The following NRG4 variants were observed in gnomAD, a reference collection of about 807,000 sequenced individuals.
The protein encoded by NRG4 is neuregulin 4.
NRG4 carries 10 observed loss-of-function variants against 15.0 expected under a neutral mutation model. The ratio of observed to expected loss-of-function variants is 0.67; its 90% confidence interval spans 0.41 to 1.13. The LOEUF (loss-of-function observed/expected upper bound fraction) is 1.13, where lower values mean the gene tolerates loss of function less well. Among genes scored for constraint, NRG4 ranks in the 50% most tolerant of loss-of-function variants. NRG4 has a pLI of 0.00. For synonymous variants in NRG4, 41 were observed against 50.1 expected (o/e 0.82, Z 0.77); for missense variants, 139 against 140.2 (o/e 0.99, Z 0.04).
chr15:75,974,974 T>C (rs536722572), intron 3 of NRG4, among the ~76,000 whole-genome samples: 35 of 152,314 alleles, frequency 2.3e-4, no homozygotes, highest in African/African-American at 8.4e-4. Context: ...ACTATTATTG[T>C]GTGGGAGTCT....
chr15:76,048,212 C>T (rs2035918512), intron 4 of NRG4, among the ~76,000 whole-genome samples: 1 of 149,858 alleles, frequency 6.7e-6, no homozygotes, highest in Admixed American at 6.6e-5. Flanking sequence ...TAGCTCATGC[C>T]TATAATCCCA....
chr15:75,981,892 A>G (rs1226689794), intron 3 of NRG4, among the ~76,000 whole-genome samples: 1 of 152,156 alleles, frequency 6.6e-6, no homozygotes, highest in Non-Finnish European at 1.5e-5. Context: ...AACCTGGATG[A>G]ATTGGAAAAT....
intron 4 of NRG4, among the ~76,000 whole-genome samples, chr15:76,039,881 C>T (rs931216797): frequency 3.9e-5 from 6 of 152,104 alleles, no homozygotes; most frequent in African/African-American, 1.4e-4. Context: ...AACCCTGTCC[C>T]AAATTAGCTG....
At chr15:76,016,390 G>A (rs1037212844), upstream of NRG4, among the ~76,000 whole-genome samples, 4 of 152,026 alleles carry the variant, frequency 2.6e-5, no homozygotes, top group African/African-American at 9.7e-5. Context: ...TTTTGAATTT[G>A]TTTGCTCTTG....
intron 5 of NRG4, among the ~76,000 whole-genome samples, chr15:76,028,184 T>C (rs986871320): frequency 1.2e-4 from 18 of 149,738 alleles, no homozygotes; most frequent in East Asian, 2.0e-4. Flanking sequence ...ATAAATAAAA[T>C]TGAGAGAAAA....
Position 75,977,485 on chromosome 15 carries a change from A to G in NRG4, c.105-15511T>C, listed in dbSNP as rs2460806. 0.06 allele frequency among the ~76,000 whole-genome samples: 9,170 copies of G among 152,298 alleles called. 570 individuals are homozygous for G. The highest frequency in any genetic ancestry group is 0.17 in the African/African-American group (6,863 of 41,540). ...GGGAATCTCCTGGTCTGCGGGTTGCAAAGACCATGGGAAAAGCATAGCATC... is the reference window on the plus strand; with the variant it reads ...GGGAATCTCCTGGTCTGCGGGTTGCGAAGACCATGGGAAAAGCATAGCATC... On this transcript the variant is annotated intron_variant, in intron 3 of 5. Transcript: ENST00000394907. The surrounding 1 kb of genome is among the most constrained non-coding windows in gnomAD (Gnocchi z 4.9).
chr15:75,987,589 G>A (rs1207671950), intron 3 of NRG4, among the ~76,000 whole-genome samples: 2 of 152,126 alleles, frequency 1.3e-5, no homozygotes, highest in Non-Finnish European at 2.9e-5. Context: ...TATGCAGCAC[G>A]AAGATGTCCA....
intron 4 of NRG4, among the ~76,000 whole-genome samples, chr15:76,040,317 A>T (rs1289336195): frequency 6.6e-6 from 1 of 152,198 alleles, no homozygotes; most frequent in Admixed American, 6.5e-5. Context: ...AGTATAATGT[A>T]TCCAGCAAAA....
intron 5 of NRG4, among the ~76,000 whole-genome samples, chr15:76,026,970 A>G (rs1481389351): frequency 3.9e-5 from 6 of 152,116 alleles, no homozygotes; most frequent in African/African-American, 1.4e-4. Context: ...AAAACACAAA[A>G]AAATAGTGGG....
At chr15:76,015,647 G>A (rs377124733), upstream of NRG4, among the ~76,000 whole-genome samples, 1 of 152,074 alleles carries the variant, frequency 6.6e-6, no homozygotes, top group South Asian at 2.1e-4. Context: ...ATGGATTACG[G>A]GTATTGATTT....
Position 76,042,876 on chromosome 15 carries a change from G to A in NRG4, c.-104-6885C>T, listed in dbSNP as rs542706971. Reference sequence around the variant, plus strand: ...TTAAAAAAAAAGCTACAGGCCAATAGCCCGGGTTAACACTCATGCAAAAAT... The same window carrying A: ...TTAAAAAAAAAGCTACAGGCCAATAACCCGGGTTAACACTCATGCAAAAAT... On this transcript the variant is annotated intron_variant, in intron 4 of 8. Coordinates refer to the NRG4 transcript ENST00000563910. Among the ~76,000 whole-genome samples the A allele has an allele frequency of 2.0e-4, 31 of 151,894 alleles. 1 individual carries two copies. The highest frequency in any genetic ancestry group is 7.4e-5 in the Non-Finnish European group (5 of 67,918).
At chr15:76,044,733 G>A (rs938411400) in intron 4 of NRG4, among the ~76,000 whole-genome samples, 1 of 149,280 alleles carries the variant, frequency 6.7e-6, no homozygotes, top group South Asian at 2.1e-4. Context: ...TACTTGGGAG[G>A]CTGAGGCTGA....
chr15:76,034,969 CCTTAT>C (rs1165264128), intron 5 of NRG4, among the ~76,000 whole-genome samples: 7 of 152,196 alleles, frequency 4.6e-5, no homozygotes, highest in Admixed American at 1.3e-4. Flanking sequence ...TATTGCTTCT[CCTTAT>C]ATTATAGCCT....
chr15:76,055,505 C>T (rs1022484064), intron 2 of NRG4, among the ~76,000 whole-genome samples: 13 of 152,116 alleles, frequency 8.5e-5, no homozygotes, highest in Non-Finnish European at 1.5e-4. Context: ...ACCAGGGTTG[C>T]GAACATGAAC....
At chr15:75,956,505 T>C (rs923013278) in intron 4 of NRG4, among the ~76,000 whole-genome samples, 1 of 27,090 alleles carries the variant, frequency 3.7e-5, no homozygotes, top group African/African-American at 4.7e-5. Flanking sequence ...TAATATAGGT[T>C]ATGATTTATG....
rs537347310 is a variant in NRG4, at chr15:76,051,704, C to A, written c.-105+363G>T. 1.4e-3 allele frequency among the ~76,000 whole-genome samples: 205 copies of A among 150,282 alleles called. 7 individuals carry two copies. The highest frequency in any genetic ancestry group is 4.3e-3 in the Admixed American group (66 of 15,206). ...TCGGCCTCCAGAGCAGCTGGGACCA[C>A]AGGCGCCCGCCACCACGCCTGGCTA... On this transcript the variant is annotated intron_variant, in intron 4 of 8. Transcript: ENST00000563910.
Position 76,046,892 on chromosome 15 carries a change from T to C in NRG4, c.-105+5175A>G, listed in dbSNP as rs1029850309. ...AGCCCACAGAATGGAAGACTATGTT[T>C]GCAAACTATCCATTTGACAAAGAAT... On this transcript the variant is annotated intron_variant, in intron 4 of 8. Transcript: ENST00000563910. Among the ~76,000 whole-genome samples the C allele has an allele frequency of 2.9e-4, 44 of 150,906 alleles. 2 individuals carry two copies. Among genetic ancestry groups the C allele is most frequent in the African/African-American group, 1.1e-3 (43 of 40,430 alleles).
chr15:76,007,473 A>G (rs1596016939), intron 3 of NRG4, among the ~76,000 whole-genome samples: 1 of 141,976 alleles, frequency 7.0e-6, no homozygotes, highest in Non-Finnish European at 1.5e-5. Context: ...TCTGTCGCCC[A>G]AGCTGGAGTG....
Position 76,057,994 on chromosome 15 carries a change from A to G in NRG4, c.-327-975T>C, listed in dbSNP as rs186852496. Reference sequence around the variant, plus strand: ...AGTGGTCTTCAAATTTCTCTCAGCAAGTTTCAAAATACTTGTCGTACTCTG... The same window carrying G: ...AGTGGTCTTCAAATTTCTCTCAGCAGGTTTCAAAATACTTGTCGTACTCTG... On this transcript the variant is annotated intron_variant, in intron 1 of 8. Coordinates refer to the NRG4 transcript ENST00000563910. Among the ~76,000 whole-genome samples the G allele has an allele frequency of 5.9e-5, 9 of 152,226 alleles. No homozygotes were observed. In the East Asian group the frequency reaches 1.7e-3, roughly 29 times the overall value.
Sources: allele counts gnomAD v4.1 joint callset (sites outside exome capture counted in the v4.1 genomes callset), GRCh38; gene constraint gnomAD v4.1.1; non-coding constraint Gnocchi (gnomAD v3.1); transcripts MANE v1.5; gene names NCBI Gene and HGNC (gene_info 2026-07-23, HGNC 2026-07-21).